Variants in CAMTA1 observed in about 807,000 individuals in gnomAD.
CAMTA1 encodes the protein calmodulin-binding transcription activator 1.
CAMTA1 carries 27 observed loss-of-function variants against 170.9 expected under a neutral mutation model. That is an observed-to-expected ratio of 0.16 (90% CI 0.12 to 0.22). CAMTA1 has a LOEUF of 0.22. Ranked by LOEUF, CAMTA1 falls within the 10% of genes least tolerant of loss-of-function variation. The pLI, the probability that CAMTA1 is intolerant of heterozygous loss-of-function variation, is 1.00. For missense variants in CAMTA1, 1,619 were observed against 2,217.2 expected (o/e 0.73, Z 5.42); for synonymous variants, 833 against 891.5 (o/e 0.93, Z 1.17).
intron 3 of CAMTA1, among the ~76,000 whole-genome samples, chr1:7,081,929 C>T (rs1178027144): frequency 6.6e-6 from 1 of 152,214 alleles, no homozygotes; most frequent in Non-Finnish European, 1.5e-5. Context: ...CAATTTGTGA[C>T]CTTTGCTTCT....
chr1:7,332,819 C>G (rs766634909), intron 5 of CAMTA1, among the ~76,000 whole-genome samples: 1 of 151,922 alleles, frequency 6.6e-6, no homozygotes, highest in Non-Finnish European at 1.5e-5. Context: ...GAGCACACAC[C>G]CGCAGATACA....
intron 5 of CAMTA1, among the ~76,000 whole-genome samples, chr1:7,279,713 G>A (rs1329096528): frequency 1.3e-5 from 2 of 152,184 alleles, no homozygotes; most frequent in Non-Finnish European, 2.9e-5. Context: ...AAAGCCCACA[G>A]TGTGGGGCTT....
rs368314343 is a variant in CAMTA1, at chr1:7,455,836, C to T, written c.439-11994C>T. Among the ~76,000 whole-genome samples the T allele has an allele frequency of 2.6e-5, 4 of 152,192 alleles. No homozygotes were observed. The highest frequency in any genetic ancestry group is 4.4e-5 in the Non-Finnish European group (3 of 68,044). ...CCCTCCGTGCCGTCCAGAATGGCCT[C>T]GGGGAGTGGGCTCCTGGCATCTGCA... On this transcript the variant is annotated intron_variant, in intron 5 of 22. Coordinates refer to ENST00000303635, the MANE Select transcript of CAMTA1 (RefSeq NM_015215.4). This position sits in a 1 kb window ranked among gnomAD's most constrained non-coding sequence, Gnocchi z 5.0.
intron 4 of CAMTA1, among the ~76,000 whole-genome samples, chr1:7,121,017 A>C (rs1644609084): frequency 6.6e-6 from 1 of 152,252 alleles, no homozygotes; most frequent in African/African-American, 2.4e-5. Context: ...AAGAAGAGCC[A>C]GCAATTCTGC....
At chr1:6,873,627 G>C (rs559862068) in intron 3 of CAMTA1, among the ~76,000 whole-genome samples, 25 of 152,290 alleles carry the variant, frequency 1.6e-4, no homozygotes, top group African/African-American at 5.8e-4. Context: ...GAAATTAATA[G>C]GTTAAGACGA....
intron 3 of CAMTA1, among the ~76,000 whole-genome samples, chr1:7,033,496 T>C (rs908190060): frequency 1.3e-5 from 2 of 152,196 alleles, no homozygotes; most frequent in African/African-American, 4.8e-5. Flanking sequence ...ATTTTCCTGC[T>C]TCTTTGTATG....
At chr1:7,267,676 C>G (rs1421205171) in intron 5 of CAMTA1, among the ~76,000 whole-genome samples, 4 of 152,218 alleles carry the variant, frequency 2.6e-5, no homozygotes, top group Admixed American at 2.6e-4. Context: ...ATAAACAAAT[C>G]TGTGGTAGGC....
chr1:6,880,382 T>TG (rs1227705717), intron 3 of CAMTA1, among the ~76,000 whole-genome samples: 2 of 115,516 alleles, frequency 1.7e-5, no homozygotes, highest in South Asian at 2.6e-4. Flanking sequence ...CCTCTAAAAG[T>TG]GTTTTTTTTT....
intron 5 of CAMTA1, among the ~76,000 whole-genome samples, chr1:7,267,854 A>G (rs960958952): frequency 6.6e-6 from 1 of 152,186 alleles, no homozygotes; most frequent in Non-Finnish European, 1.5e-5. Flanking sequence ...TCAGTGAGGA[A>G]GCCAGCTGAG....
chr1:7,270,188 G>A (rs1279712902), intron 5 of CAMTA1, among the ~76,000 whole-genome samples: 3 of 144,174 alleles, frequency 2.1e-5, no homozygotes, highest in African/African-American at 7.8e-5. Flanking sequence ...TATACTACAG[G>A]ATTTATATAT....
At chr1:7,557,689 C>T (rs1199546753) in intron 6 of CAMTA1, among the ~76,000 whole-genome samples, 1 of 152,376 alleles carries the variant, frequency 6.6e-6, no homozygotes, top group East Asian at 1.9e-4. Flanking sequence ...TGCATATTTA[C>T]TGGGCACCTA....
intron 3 of CAMTA1, among the ~76,000 whole-genome samples, chr1:6,849,234 A>T (rs539432291): frequency 3.7e-4 from 56 of 152,350 alleles, no homozygotes; most frequent in Non-Finnish European, 7.3e-4. Context: ...AGCAGGTTTC[A>T]GGACATACTG....
At chr1:7,139,443 G>A (rs1645764746) in intron 4 of CAMTA1, among the ~76,000 whole-genome samples, 1 of 151,256 alleles carries the variant, frequency 6.6e-6, no homozygotes, top group African/African-American at 2.4e-5. Context: ...GGCTGTGGTG[G>A]GTGCCCAGCA....
At chr1:7,100,250 T>C (rs1045653413) in intron 4 of CAMTA1, among the ~76,000 whole-genome samples, 1 of 152,232 alleles carries the variant, frequency 6.6e-6, no homozygotes, top group African/African-American at 2.4e-5. Context: ...CCGGAATGTG[T>C]TGGCGTCTCT....
intron 6 of CAMTA1, among the ~76,000 whole-genome samples, chr1:7,632,121 T>C (rs2095673919): frequency 6.6e-6 from 1 of 152,224 alleles, no homozygotes. Flanking sequence ...CTACCCTCGT[T>C]GTTCATTAAG....
chr1:6,982,005 C>T (rs1279851081), intron 3 of CAMTA1, among the ~76,000 whole-genome samples: 1 of 152,228 alleles, frequency 6.6e-6, no homozygotes, highest in Non-Finnish European at 1.5e-5. Context: ...GCTGGGATTA[C>T]AGGCATAATG....
chr1:7,179,918 A>G (rs1651748019), intron 4 of CAMTA1, among the ~76,000 whole-genome samples: 1 of 152,212 alleles, frequency 6.6e-6, no homozygotes, highest in Non-Finnish European at 1.5e-5. Flanking sequence ...GAATGAAAGA[A>G]CAGTAGACCT....
intron 6 of CAMTA1, among the ~76,000 whole-genome samples, chr1:7,483,909 G>T (rs542605919): frequency 1.3e-5 from 2 of 152,268 alleles, no homozygotes; most frequent in African/African-American, 4.8e-5. Flanking sequence ...CACCTCCTGG[G>T]CCTGTTCCCT....
chr1:7,736,419 C>G lies in CAMTA1; in HGVS notation c.3142C>G (p.Arg1048Gly). 6.2e-7 allele frequency: 1 copy of G among 1,613,984 alleles called. No individual in the cohort carries two copies. Among genetic ancestry groups the G allele is most frequent in the Non-Finnish European group, 8.5e-7 (1 of 1,180,014 alleles). ...VVVVCEKMMS[R>G]ACWAKSKHLI... ...CGTGGTATGCGAGAAGATGATGAGCCGAGCCTGCTGGGCGAAGTCCAAGCA... is the reference window on the plus strand; with the variant it reads ...CGTGGTATGCGAGAAGATGATGAGCGGAGCCTGCTGGGCGAAGTCCAAGCA... The change falls in exon 13 of 23, where the codon CGA becomes GGA. Residue 1048 changes from arginine (R) to glycine (G), a missense_variant. This residue lies in a region of CAMTA1 where 143 missense variants were observed against 184.2 expected (regional missense o/e 0.78). Transcript: ENST00000303635. This position sits in a 1 kb window ranked among gnomAD's most constrained non-coding sequence, Gnocchi z 4.5.
Sources: gnomAD v4.1 joint callset for allele counts (sites outside exome capture counted in the v4.1 genomes callset) on GRCh38, gnomAD v4.1.1 for gene constraint, gnomAD v4.1.1 regional missense constraint, Gnocchi (gnomAD v3.1) non-coding constraint, MANE v1.5 for transcripts, NCBI Gene and HGNC (gene_info 2026-07-23, HGNC 2026-07-21) for gene names.